The following DDR2 variants were observed in gnomAD, a reference collection of about 807,000 sequenced individuals.
DDR2 encodes discoidin domain-containing receptor 2.
Under a neutral mutation model 94.9 loss-of-function variants are expected in DDR2, and 27 were observed. That is an observed-to-expected ratio of 0.28 (90% confidence interval 0.21 to 0.39). The LOEUF (loss-of-function observed/expected upper bound fraction) is 0.39, where lower values mean the gene tolerates loss of function less well. Among genes scored for constraint, DDR2 ranks in the 10% least tolerant of loss-of-function variants. The pLI, the probability that DDR2 is intolerant of heterozygous loss-of-function variation, is 1.00. For missense variants in DDR2, 783 were observed against 1,076.0 expected, an observed-to-expected ratio of 0.73 and a Z score of 3.81; for synonymous variants, 382 against 377.2, an observed-to-expected ratio of 1.01 and a Z score of -0.15.
chr1:162,786,992 A>C lies in DDR2; in HGVS notation c.*6746A>C, dbSNP rs1274209556. The C allele has an allele frequency of 6.6e-6, 1 of 152,242 alleles. No homozygotes were observed. Among genetic ancestry groups the C allele is most frequent in the Non-Finnish European group, 1.5e-5 (1 of 68,042 alleles). The allele number at this position is 152,242 out of a possible 1,614,324, so 9.4% of individuals were successfully genotyped here. On this transcript the variant is annotated 3_prime_UTR_variant, in exon 18 of 18. Transcript: ENST00000367921. ...GCACATGCACAAACCAAAAAAAACT[A>C]TGAAAACCAGAATTTAGACTCAGTC...
At position 162,761,376 on chromosome 1, in the gene DDR2, C is replaced by T. The variant is rs1241709692; in HGVS notation, c.1021C>T (p.Arg341Ter). ...GTTTGTCACGGTGCCTCTCCACCAC[C>T]GAATGGCCAGTGCCATCAAGTGTCA... ...ARFVTVPLHHRMASAIKCQYH... is the reference protein window; with the variant it reads ...ARFVTVPLHH Residue 341 changes from arginine to a stop codon, truncating the protein, a stop_gained, in exon 9 of 18, where the codon CGA (arginine) becomes TGA (stop). Coordinates refer to ENST00000367921, the MANE Select transcript of DDR2 (RefSeq NM_006182.4). LOFTEE classifies it high-confidence loss of function. The T allele has an allele frequency of 1.9e-6, 3 of 1,614,188 alleles. No homozygotes were observed. The highest frequency in any genetic ancestry group is 1.1e-5 in the South Asian group (1 of 91,084).
At chr1:162,676,885 C>T (rs375852731) in intron 2 of DDR2, among the ~76,000 whole-genome samples, 1 of 152,338 alleles carries the variant, frequency 6.6e-6, no homozygotes, top group South Asian at 2.1e-4. Flanking sequence ...CAAGCACGCC[C>T]TGCAGACTTC....
intron 3 of DDR2, among the ~76,000 whole-genome samples, chr1:162,733,697 G>A (rs1662164565): frequency 6.6e-6 from 1 of 152,170 alleles, no homozygotes; most frequent in Non-Finnish European, 1.5e-5. Context: ...TGCCAAACGT[G>A]TGTTAAGCAT....
At chr1:162,677,250 T>C (rs751812339) in intron 2 of DDR2, among the ~76,000 whole-genome samples, 9 of 152,158 alleles carry the variant, frequency 5.9e-5, no homozygotes, top group Non-Finnish European at 1.0e-4. Context: ...GGCAGGATGC[T>C]TCCTACCCCA....
chr1:162,778,769 C>A (rs781577176), intron 17 of DDR2, 40 bp downstream of exon 17: 1 of 1,613,050 alleles, frequency 6.2e-7, no homozygotes, highest in Non-Finnish European at 8.5e-7. Context: ...GACCTGTGTA[C>A]CTTGAAGGAT....
intron 1 of DDR2, among the ~76,000 whole-genome samples, chr1:162,634,744 A>C (rs1369537221): frequency 6.6e-6 from 1 of 152,210 alleles, no homozygotes. Flanking sequence ...GCTGAAGGAC[A>C]CTGTGCTTGG....
chr1:162,746,748 TG>T, intron 3 of DDR2, among the ~76,000 whole-genome samples: 1 of 152,284 alleles, frequency 6.6e-6, no homozygotes, highest in South Asian at 2.1e-4. Flanking sequence ...CTCATACAGC[TG>T]GGTGCCCCTC....
intron 7 of DDR2, 91 bp from the exon 8 acceptor site, chr1:162,759,705 G>T: frequency 6.9e-7 from 1 of 1,444,246 alleles, no homozygotes; most frequent in Non-Finnish European, 9.6e-7. Flanking sequence ...ACAAAATCTG[G>T]AGTGAAGATG....
At chr1:162,653,218 C>T (rs777211034) in intron 1 of DDR2, among the ~76,000 whole-genome samples, 4 of 152,112 alleles carry the variant, frequency 2.6e-5, no homozygotes, top group Admixed American at 6.5e-5. Flanking sequence ...TCTACGTCAG[C>T]AAAATTGTGA....
intron 3 of DDR2, among the ~76,000 whole-genome samples, chr1:162,750,022 C>T (rs147992875): frequency 0.059 from 8,952 of 152,142 alleles, 296 homozygotes; most frequent in Admixed American, 0.077. Context: ...TTATGACAAA[C>T]GCACAGCCAA....
intron 3 of DDR2, 109 bp downstream of exon 3, chr1:162,719,254 T>C (rs956268801): frequency 2.4e-4 from 368 of 1,564,636 alleles, no homozygotes; most frequent in Middle Eastern, 3.8e-4. Flanking sequence ...CAAAGCTCTT[T>C]CTTTTTAAAT....
chr1:162,764,174 G>A (rs1392736698), intron 9 of DDR2, among the ~76,000 whole-genome samples: 1 of 152,166 alleles, frequency 6.6e-6, no homozygotes, highest in Non-Finnish European at 1.5e-5. Context: ...TGTCACCAAT[G>A]TGATATACAG....
chr1:162,742,507 A>G (rs984701217), intron 3 of DDR2, among the ~76,000 whole-genome samples: 3 of 152,238 alleles, frequency 2.0e-5, no homozygotes, highest in African/African-American at 7.2e-5. Flanking sequence ...AAATGACCAG[A>G]TCCCCTGTGA....
intron 4 of DDR2, among the ~76,000 whole-genome samples, chr1:162,753,468 G>A (rs1179820685): frequency 1.3e-5 from 2 of 152,230 alleles, no homozygotes; most frequent in African/African-American, 4.8e-5. Context: ...TTGATAGGAA[G>A]TGGATTTGCT....
At chr1:162,679,609 A>G (rs1327452632) in intron 2 of DDR2, among the ~76,000 whole-genome samples, 1 of 152,122 alleles carries the variant, frequency 6.6e-6, no homozygotes, top group Non-Finnish European at 1.5e-5. Flanking sequence ...GCTGCAATGA[A>G]CATGTGTCTT....
chr1:162,754,642 G>A lies in DDR2; in HGVS notation c.204G>A (p.Gly68=). 6.2e-7 allele frequency: 1 copy of A among 1,614,128 alleles called. No homozygotes were observed. ...TCTCAAGGCTGGACTCAGAAGAAGG[G>A]GATGGAGCCTGGTGCCCTGAGATTC... is the stretch of plus-strand genomic sequence containing the variant. ...AKYGRLDSEE[G]DGAWCPEIPV... The change falls in exon 5 of 18, where the codon GGG becomes GGA. Residue 68 remains glycine (G), a synonymous_variant. Coordinates refer to ENST00000367921, the MANE Select transcript of DDR2 (RefSeq NM_006182.4).
At chr1:162,667,673 T>C (rs1445080877) in intron 2 of DDR2, among the ~76,000 whole-genome samples, 1 of 152,236 alleles carries the variant, frequency 6.6e-6, no homozygotes, top group African/African-American at 2.4e-5. Flanking sequence ...CCATGTTTTA[T>C]GCAATGTTCT....
rs1648023617 is a variant in DDR2, at chr1:162,783,681, A to G, written c.*3435A>G. 1 of 152,224 alleles carries G rather than the reference A, an allele frequency of 6.6e-6. No homozygotes were observed. The highest frequency in any genetic ancestry group is 6.5e-5 in the Admixed American group (1 of 15,274). The allele number at this position is 152,224 out of a possible 1,614,324, so 9.4% of individuals were successfully genotyped here. A position where few individuals can be genotyped will look rare whatever the true frequency, so the allele number is the denominator to read the frequency against. On this transcript the variant is annotated 3_prime_UTR_variant, in exon 18 of 18. Coordinates refer to ENST00000367921, the MANE Select transcript of DDR2 (RefSeq NM_006182.4). Reference sequence around the variant, plus strand: ...AGAGATGATAAAAATATTTATTAAGAAATGAAGTCAGGTTCAGTGTATGAA... The same window carrying G: ...AGAGATGATAAAAATATTTATTAAGGAATGAAGTCAGGTTCAGTGTATGAA...
intron 3 of DDR2, among the ~76,000 whole-genome samples, chr1:162,730,575 A>G (rs1451841138): frequency 6.6e-6 from 1 of 152,224 alleles, no homozygotes; most frequent in Non-Finnish European, 1.5e-5. Context: ...TGAGAAATGT[A>G]TTGGCATGGG....
Sources: gnomAD v4.1 joint callset for allele counts (sites outside exome capture counted in the v4.1 genomes callset) on GRCh38, gnomAD v4.1.1 for gene constraint, MANE v1.5 for transcripts, NCBI Gene and HGNC (gene_info 2026-07-23, HGNC 2026-07-21) for gene names.